The following SALL1 variants were observed in gnomAD, a reference collection of about 807,000 sequenced individuals.
SALL1 encodes the protein sal-like protein 1.
In SALL1, 10 loss-of-function variants were observed where a neutral mutation model predicts 73.1. The observed-to-expected ratio is 0.14, with a 90% confidence interval of 0.08 to 0.23. The LOEUF is 0.23. Among genes scored for constraint, SALL1 ranks in the 10% least tolerant of loss-of-function variants. The pLI is 1.00. For missense variants in SALL1, 1,520 were observed against 1,697.3 expected (o/e 0.90, Z 1.84); for synonymous variants, 688 against 689.8 (o/e 1.00, Z 0.04).
At position 51,151,226 on chromosome 16, in the gene SALL1, G is replaced by A; in HGVS notation, c.16C>T (p.Gln6Ter). The stretch of plus-strand genomic sequence containing the variant: ...GATTGGAAATGTTGAGGCTTCGCTT[G>A]CTTCCTCCGCGACATGCTGGCTCAA... MSRRK[Q>*]AKPQHFQSDP... Residue 6 changes from glutamine to a stop codon, truncating the protein, a stop_gained, in exon 1 of 3, where the codon CAA becomes TAA. Transcript: ENST00000251020. LOFTEE classifies it high-confidence loss of function. 6.2e-7 allele frequency: 1 copy of A among 1,600,220 alleles called. No individual in the cohort carries two copies.
chr16:51,138,964 C>G lies in SALL1; in HGVS notation c.3258G>C (p.Lys1086Asn). 1 of 1,614,140 alleles carries G rather than the reference C, an allele frequency of 6.2e-7. No individual in the cohort carries two copies. The highest frequency in any genetic ancestry group is 8.5e-7 in the Non-Finnish European group (1 of 1,180,034). Residue 1086 changes from lysine (K) to asparagine (N), a missense_variant, in exon 2 of 3, where the codon AAG becomes AAC. By Grantham distance (94) the Lys-to-Asn change is moderately conservative. Around this residue, in one of 7 missense-constraint regions of SALL1, gnomAD observed 318 missense variants for 357.1 expected, o/e 0.89. Coordinates refer to ENST00000251020, the MANE Select transcript of SALL1 (RefSeq NM_002968.3). ...IPANSLSSLIKTEVNGFVHVS... is the reference protein window; with the variant it reads ...IPANSLSSLINTEVNGFVHVS... ...CATGCACGAAGCCGTTGACCTCTGTCTTGATGAGAGATGACAACGAGTTGG... is the reference window on the plus strand; with the variant it reads ...CATGCACGAAGCCGTTGACCTCTGTGTTGATGAGAGATGACAACGAGTTGG...
At chr16:51,137,735 T>G (rs1351803000) in intron 2 of SALL1, among the ~76,000 whole-genome samples, 183 bp from the exon 3 acceptor site, 3 of 152,192 alleles carry the variant, frequency 2.0e-5, no homozygotes, top group Admixed American at 2.0e-4. Flanking sequence ...CATCCATTCC[T>G]CCTGTCTAGT....
chr16:51,150,636 G>A (rs959172756), intron 1 of SALL1: 5 of 935,702 alleles, frequency 5.3e-6, no homozygotes, highest in Non-Finnish European at 5.1e-6. Flanking sequence ...GGGAGTGTGC[G>A]TGGGGGCAGG....
intron 2 of SALL1, among the ~76,000 whole-genome samples, chr16:51,138,056 C>T (rs1962344109): frequency 6.6e-6 from 1 of 152,222 alleles, no homozygotes; most frequent in African/African-American, 2.4e-5. Flanking sequence ...TCTCACATTA[C>T]TGGGAGCAAT....
chr16:51,140,293 G>A lies in SALL1; in HGVS notation c.1929C>T (p.Ser643=). ...SVPTASSSVL[S]SPAADCGPAG... ...CGGGGCCGCAGTCTGCCGCTGGGGA[G>A]CTCAGGACGCTACTGCTCGCCGTCG... is the stretch of plus-strand genomic sequence containing the variant. The change falls in exon 2 of 3, where the codon AGC becomes AGT. Residue 643 remains serine (S), a synonymous_variant. Transcript: ENST00000251020. This position sits in a 1 kb window ranked among gnomAD's most constrained non-coding sequence, Gnocchi z 5.7. The A allele has an allele frequency of 6.2e-7, 1 of 1,614,118 alleles. No individual in the cohort carries two copies. The highest frequency in any genetic ancestry group is 8.5e-7 in the Non-Finnish European group (1 of 1,180,042).
chr16:51,142,428 G>C (rs946542962), intron 1 of SALL1, among the ~76,000 whole-genome samples: 4 of 152,082 alleles, frequency 2.6e-5, no homozygotes, highest in African/African-American at 9.7e-5. Context: ...AAATTCCATA[G>C]CAAAATATTG....
In SALL1 at chr16:51,139,996, A is replaced by G. The variant is rs1962388103; in HGVS notation, c.2226T>C (p.Ala742=). 2 of 1,614,214 alleles carry G rather than the reference A, an allele frequency of 1.2e-6. No homozygotes were observed. Among genetic ancestry groups the G allele is most frequent in the Non-Finnish European group, 1.7e-6 (2 of 1,180,028 alleles). The part of the protein sequence containing the change: ...RPFKCKICGR[A]FTTKGNLKTH... ...TTTTAAGATTCCCTTTCGTGGTGAA[A>G]GCCCGGCCACAGATCTTACACTTAA... is the stretch of plus-strand genomic sequence containing the variant. The change falls in exon 2 of 3, where the codon GCT becomes GCC. Residue 742 remains alanine, a synonymous_variant. Transcript: ENST00000251020.
rs762494276 is a variant in SALL1 at position 51,138,784 on chromosome 16, C to T, written c.3438G>A (p.Ser1146=). 8.7e-6 allele frequency: 14 copies of T among 1,614,094 alleles called. No homozygotes were observed. Among genetic ancestry groups the T allele is most frequent in the Admixed American group, 3.3e-5 (2 of 60,016 alleles). The change falls in exon 2 of 3, where the codon TCG becomes TCA. Residue 1146 remains serine, a synonymous_variant. Transcript: ENST00000251020. ...CNTCGKTFSS[S]SALQIHERTH... is the part of the protein sequence containing the mutation. The stretch of plus-strand genomic sequence containing the variant: ...TTCTCTCGTGAATCTGCAGGGCACT[C>T]GATGAGGAGAAGGTTTTGCCACATG...
chr16:51,144,771 AT>A (rs1279764701), intron 1 of SALL1, among the ~76,000 whole-genome samples: 1 of 152,130 alleles, frequency 6.6e-6, no homozygotes, highest in African/African-American at 2.4e-5. Flanking sequence ...CAATCTAAAC[AT>A]TTTTATATTT....
rs1962378965 is a variant in SALL1, at chr16:51,139,694, G to A, written c.2528C>T (p.Ser843Phe). ...TAAGCTGTCTTGGGAGGCGTCTGCAGACTTAGGTGTATCAGGGATGCTGCC... is the reference window on the plus strand; with the variant it reads ...TAAGCTGTCTTGGGAGGCGTCTGCAAACTTAGGTGTATCAGGGATGCTGCC... ...PEGSIPDTPKSADASQDSLSS... is the reference protein window; with the variant it reads ...PEGSIPDTPKFADASQDSLSS... Residue 843 changes from serine (S) to phenylalanine (F), a missense_variant, in exon 2 of 3, where the codon TCT becomes TTT. Around this residue, in one of 7 missense-constraint regions of SALL1, gnomAD observed 266 missense variants for 275.1 expected, o/e 0.97. Transcript: ENST00000251020. 6 of 1,614,252 alleles carry A rather than the reference G, an allele frequency of 3.7e-6. No individual in the cohort carries two copies. The highest frequency in any genetic ancestry group is 1.3e-5 in the African/African-American group (1 of 75,060).
Position 51,139,576 on chromosome 16 carries a change from C to G in SALL1, c.2646G>C (p.Gln882His). Residue 882 changes from glutamine (Q) to histidine (H), a missense_variant, in exon 2 of 3, where the codon CAG becomes CAC. Coordinates refer to ENST00000251020, the MANE Select transcript of SALL1 (RefSeq NM_002968.3). ...CATTCTCCACTGACTTCAGGCTGGC[C>G]TGTAGCTGCTCTGCCAGGCCAGCAT... ...MINAGLAEQL[Q>H]ASLKSVENGS... The G allele has an allele frequency of 6.2e-7, 1 of 1,614,148 alleles. No individual in the cohort carries two copies. Among genetic ancestry groups the G allele is most frequent in the Non-Finnish European group, 8.5e-7 (1 of 1,179,964 alleles).
At chr16:51,151,288 A>C, upstream of SALL1, 1 of 1,388,880 alleles carries the variant, frequency 7.2e-7, no homozygotes, top group Non-Finnish European at 9.6e-7. Context: ...TACTAAAAAA[A>C]AATCTTCTCA....
chr16:51,151,101 G>T, intron 1 of SALL1, 65 bp downstream of exon 1: 1 of 1,224,186 alleles, frequency 8.2e-7, no homozygotes, highest in Non-Finnish European at 1.1e-6. Flanking sequence ...GCGTGTGAGT[G>T]GGTCCGAGTG....
Position 51,140,456 on chromosome 16 carries a change from C to G in SALL1, c.1766G>C (p.Gly589Ala). 6.2e-7 allele frequency: 1 copy of G among 1,613,706 alleles called. No individual in the cohort carries two copies. The highest frequency in any genetic ancestry group is 1.3e-5 in the African/African-American group (1 of 74,994). Residue 589 changes from glycine to alanine, a missense_variant, in exon 2 of 3, where the codon GGC becomes GCC. By Grantham distance (60) the Gly-to-Ala change is moderately conservative. Coordinates refer to ENST00000251020, the MANE Select transcript of SALL1 (RefSeq NM_002968.3). This position sits in a 1 kb window ranked among gnomAD's most constrained non-coding sequence, Gnocchi z 5.7. Reference sequence around the variant, plus strand: ...GCCCCCGGAGTCACTTTTGACTGAGCCTGGGGGGCTGGTGGCAGAATGGCT... The same window carrying G: ...GCCCCCGGAGTCACTTTTGACTGAGGCTGGGGGGCTGGTGGCAGAATGGCT... ...PISHSATSPP[G>A]SVKSDSGGPE...
Position 51,137,255 on chromosome 16 carries a change from G to C in SALL1, c.3832C>G (p.Leu1278Val), listed in dbSNP as rs1962320580. ...TGGAGCCTCTCCAGGTTTCCCGTCA[G>C]CCCACTAACAGGTGAGCTGTTCCCA... Reference protein sequence around the residue: ...GSGNSSPVSGLTGNLERLQNS... With the variant: ...GSGNSSPVSGVTGNLERLQNS... The change falls in exon 3 of 3, where the codon CTG (leucine) becomes GTG (valine). Residue 1278 changes from leucine to valine, a missense_variant. This residue lies in a region of SALL1 where 318 missense variants were observed against 357.1 expected (regional missense o/e 0.89). Transcript: ENST00000251020. The C allele has an allele frequency of 1.9e-6, 3 of 1,613,966 alleles. No homozygotes were observed. The highest frequency in any genetic ancestry group is 1.3e-5 in the African/African-American group (1 of 74,916).
intron 1 of SALL1, chr16:51,150,287 G>A: frequency 1.8e-6 from 1 of 560,646 alleles, no homozygotes; most frequent in Non-Finnish European, 2.3e-6. Context: ...CACTCTGGCT[G>A]GCCACCCGCA....
rs142653419 is a variant in SALL1 at position 51,137,337 on chromosome 16, G to A, written c.3750C>T (p.Asn1250=). The change falls in exon 3 of 3, where the codon AAC becomes AAT. Residue 1250 remains asparagine (N), a synonymous_variant. Coordinates refer to ENST00000251020, the MANE Select transcript of SALL1 (RefSeq NM_002968.3). ...CACCGTTCTGAATGACGGAGATCTC[G>A]TTGGCCTTCATCGCCAGCCCGTTGG... ...ALSNGLAMKA[N]EISVIQNGGI... 80 of 1,614,098 alleles carry A rather than the reference G, an allele frequency of 5.0e-5. No individual in the cohort carries two copies. The African/African-American group carries it at 7.5e-4, about 15-fold the overall frequency.
rs748506953 is a variant in SALL1 at position 51,138,842 on chromosome 16, G to A, written c.3380C>T (p.Pro1127Leu). 3.2e-5 allele frequency: 52 copies of A among 1,614,096 alleles called. No homozygotes were observed. In the South Asian group the frequency reaches 5.4e-4, roughly 17 times the overall value. ...ATSPVLLPAL[P>L]RRTPKQHYCN... ...GTAGTGCTGCTTGGGAGTTCTCCTG[G>A]GCAGAGCAGGGAGCAGAACTGGGGA... Residue 1127 changes from proline to leucine, a missense_variant, in exon 2 of 3, where the codon CCC becomes CTC. Coordinates refer to ENST00000251020, the MANE Select transcript of SALL1 (RefSeq NM_002968.3).
chr16:51,148,531 A>G (rs1212353949), intron 1 of SALL1, among the ~76,000 whole-genome samples: 3 of 152,240 alleles, frequency 2.0e-5, no homozygotes, highest in South Asian at 2.1e-4. Context: ...CTTTACGTAA[A>G]AAACAAAACA....
Sources: allele counts gnomAD v4.1 joint callset (sites outside exome capture counted in the v4.1 genomes callset), GRCh38; gene constraint gnomAD v4.1.1; regional missense constraint gnomAD v4.1.1; non-coding constraint Gnocchi (gnomAD v3.1); transcripts MANE v1.5; gene names NCBI Gene and HGNC (gene_info 2026-07-23, HGNC 2026-07-21).